The following RERE variants were observed in gnomAD, a reference collection of about 807,000 sequenced individuals.
The protein encoded by RERE is arginine-glutamic acid dipeptide repeats protein.
Under a neutral mutation model 146.1 loss-of-function variants are expected in RERE, and 40 were observed. The ratio of observed to expected loss-of-function variants is 0.27; its 90% CI spans 0.21 to 0.36. The LOEUF (loss-of-function observed/expected upper bound fraction) is 0.36, where lower values mean the gene tolerates loss of function less well. Among genes scored for constraint, RERE ranks in the 10% least tolerant of loss-of-function variants. The pLI, the probability that RERE is intolerant of heterozygous loss-of-function variation, is 1.00. For synonymous variants in RERE, 1,003 were observed against 866.0 expected (o/e 1.16, Z -2.78); for missense variants, 1,933 against 2,138.7 (o/e 0.90, Z 1.90).
chr1:8,607,545 T>C (rs1160186317), intron 4 of RERE, among the ~76,000 whole-genome samples: 1 of 97,946 alleles, frequency 1.0e-5, no homozygotes, highest in African/African-American at 4.9e-5. Flanking sequence ...TTTTTTTTTT[T>C]TTTTTTTTTT....
chr1:8,495,193 T>G, intron 9 of RERE, 31 bp from the exon 10 acceptor site: 1 of 1,485,582 alleles, frequency 6.7e-7, no homozygotes, highest in Non-Finnish European at 9.4e-7. Context: ...CCTTTATTAG[T>G]ACATAGTAAT....
intron 4 of RERE, among the ~76,000 whole-genome samples, chr1:8,599,806 T>A (rs1646599980): frequency 6.6e-6 from 1 of 152,194 alleles, no homozygotes; most frequent in South Asian, 2.1e-4. Context: ...AGTGACAACA[T>A]CAGAGAATTT....
intron 4 of RERE, among the ~76,000 whole-genome samples, chr1:8,571,765 C>T (rs1194119968): frequency 6.6e-6 from 1 of 152,170 alleles, no homozygotes; most frequent in Non-Finnish European, 1.5e-5. Flanking sequence ...ACATGCCAGA[C>T]AACAAAGGCC....
chr1:8,817,046 T>G (rs967141148), intron 1 of RERE, 114 bp downstream of exon 1: 5 of 152,272 alleles, frequency 3.3e-5, no homozygotes, highest in Admixed American at 1.3e-4. Context: ...CAGCCTTTTC[T>G]TCCTGCCTCC....
At chr1:8,462,409 G>C (rs1377759551) in intron 11 of RERE, among the ~76,000 whole-genome samples, 1 of 152,226 alleles carries the variant, frequency 6.6e-6, no homozygotes, top group African/African-American at 2.4e-5. Flanking sequence ...AGCGAGTGAC[G>C]CGCAGAGGGG....
intron 1 of RERE, among the ~76,000 whole-genome samples, chr1:8,813,733 G>A (rs1160870873): frequency 6.7e-6 from 1 of 150,276 alleles, no homozygotes; most frequent in Non-Finnish European, 1.5e-5. Context: ...TCGTGCCTCA[G>A]CCCCCCAAGT....
At chr1:8,558,221 A>T (rs1291782856) in intron 4 of RERE, among the ~76,000 whole-genome samples, 1 of 152,262 alleles carries the variant, frequency 6.6e-6, no homozygotes, top group Non-Finnish European at 1.5e-5. Context: ...ATGATCCTGT[A>T]AATGTTTGTA....
chr1:8,411,540 C>A (rs968223651), intron 12 of RERE, among the ~76,000 whole-genome samples: 2 of 152,030 alleles, frequency 1.3e-5, no homozygotes, highest in African/African-American at 2.4e-5. Context: ...CCACCCATCT[C>A]CCGTAAGGTG....
chr1:8,648,220 G>A (rs916748190), intron 2 of RERE, among the ~76,000 whole-genome samples: 4 of 152,166 alleles, frequency 2.6e-5, no homozygotes, highest in Non-Finnish European at 4.4e-5. Flanking sequence ...TCAACATCAT[G>A]TTTCATGTTG....
chr1:8,373,791 A>T (rs776714855), intron 12 of RERE, among the ~76,000 whole-genome samples: 25 of 152,212 alleles, frequency 1.6e-4, no homozygotes, highest in Non-Finnish European at 3.5e-4. Flanking sequence ...ACTGTTCAGA[A>T]CATCTGAGGT....
At chr1:8,404,903 T>C (rs1228777473) in intron 12 of RERE, among the ~76,000 whole-genome samples, 1 of 152,124 alleles carries the variant, frequency 6.6e-6, no homozygotes, top group Non-Finnish European at 1.5e-5. Context: ...CAATTAGCCC[T>C]AGACAGTCAC....
chr1:8,665,679 T>C (rs544922292), intron 1 of RERE, among the ~76,000 whole-genome samples: 2 of 152,076 alleles, frequency 1.3e-5, no homozygotes, highest in Non-Finnish European at 2.9e-5. Flanking sequence ...TAAATTTAAG[T>C]AGAGCAGGTG....
intron 1 of RERE, among the ~76,000 whole-genome samples, chr1:8,793,976 G>A (rs370702080): frequency 4.6e-4 from 70 of 151,944 alleles, no homozygotes; most frequent in African/African-American, 1.5e-3. Flanking sequence ...GCTGAGGCAC[G>A]AGAATCGCTT....
chr1:8,708,016 T>C (rs1431008485), intron 1 of RERE, among the ~76,000 whole-genome samples: 1 of 152,178 alleles, frequency 6.6e-6, no homozygotes, highest in African/African-American at 2.4e-5. Context: ...CATAGGTAGG[T>C]ATGTGTAGGA....
At chr1:8,428,205 C>T (rs555072720) in intron 11 of RERE, among the ~76,000 whole-genome samples, 1 of 152,340 alleles carries the variant, frequency 6.6e-6, no homozygotes, top group African/African-American at 2.4e-5. Flanking sequence ...CTGCTGCCAG[C>T]GCTGGGCAGC....
intron 1 of RERE, among the ~76,000 whole-genome samples, chr1:8,736,575 T>C (rs912688187): frequency 6.6e-6 from 1 of 152,176 alleles, no homozygotes; most frequent in Non-Finnish European, 1.5e-5. Flanking sequence ...ATATGAAATA[T>C]TTTATCAACT....
intron 12 of RERE, among the ~76,000 whole-genome samples, chr1:8,399,490 C>T (rs911685730): frequency 1.3e-4 from 20 of 152,148 alleles, no homozygotes; most frequent in African/African-American, 3.9e-4. Context: ...ATTACACTGA[C>T]GTCTCTATTT....
chr1:8,573,129 T>G (rs181275602), intron 4 of RERE, among the ~76,000 whole-genome samples: 1 of 152,302 alleles, frequency 6.6e-6, no homozygotes, highest in Non-Finnish European at 1.5e-5. Flanking sequence ...TCTTTCTTAT[T>G]TTTCTTTTTA....
chr1:8,730,027 A>G (rs184300259), intron 1 of RERE, among the ~76,000 whole-genome samples: 1 of 152,334 alleles, frequency 6.6e-6, no homozygotes, highest in East Asian at 1.9e-4. Flanking sequence ...AGATAGGCTG[A>G]TATTTCTTTC....
Sources: allele counts gnomAD v4.1 joint callset (sites outside exome capture counted in the v4.1 genomes callset), GRCh38; gene constraint gnomAD v4.1.1; transcripts MANE v1.5; gene names NCBI Gene and HGNC (gene_info 2026-07-23, HGNC 2026-07-21).